USO1: variants seen among roughly 807,000 people sequenced by gnomAD.
USO1 encodes the protein general vesicular transport factor p115.
A neutral mutation model predicts 124.5 loss-of-function variants in USO1; 57 were observed. The ratio of observed to expected loss-of-function variants is 0.46; its 90% confidence interval spans 0.37 to 0.57. The LOEUF is 0.57. USO1 is among the 20% of genes least tolerant of loss of function. USO1 has a pLI of 0.00. For missense variants in USO1, 900 were observed against 1,040.6 expected, an observed-to-expected ratio of 0.86 and a Z score of 1.86; for synonymous variants, 369 against 362.8, an observed-to-expected ratio of 1.02 and a Z score of -0.19.
At chr4:75,770,998 GGTGTGTTA>G in intron 6 of USO1, 74 bp downstream of exon 6, 1 of 1,596,654 alleles carries the variant, frequency 6.3e-7, no homozygotes, top group Non-Finnish European at 8.5e-7. Context: ...GGACTGAAAT[GGTGTGTTA>G]GTAAATTGTT....
Position 75,724,593 on chromosome 4 carries a change from C to T in USO1, c.-227C>T. 3.6e-6 allele frequency: 2 copies of T among 559,890 alleles called. No homozygotes were observed. Among genetic ancestry groups the T allele is most frequent in the South Asian group, 2.1e-5 (1 of 48,348 alleles). The allele number at this position is 559,890 out of a possible 1,614,324, so 34.7% of individuals were successfully genotyped here. A position where few individuals can be genotyped will look rare whatever the true frequency, so the allele number is the denominator to read the frequency against. ...CCTCCGCTCCCCTTTTGCCTTCAAC[C>T]TTCGAGCCGCCACGTAATGCCACGT... On this transcript the variant is annotated 5_prime_UTR_variant, in exon 1 of 24. Coordinates refer to ENST00000514213, the MANE Select transcript of USO1 (RefSeq NM_003715.4).
At chr4:75,790,860 T>G in intron 12 of USO1, 63 bp downstream of exon 12, 2 of 1,445,844 alleles carry the variant, frequency 1.4e-6, no homozygotes, top group Non-Finnish European at 1.8e-6. Context: ...AGCTTTTAAT[T>G]GATTCTTTCT....
At chr4:75,790,261 A>T in intron 11 of USO1, 23 bp downstream of exon 11, 1 of 1,571,362 alleles carries the variant, frequency 6.4e-7, no homozygotes, top group Non-Finnish European at 8.6e-7. Context: ...AAATACTGAG[A>T]TTACTCTGAG....
intron 4 of USO1, among the ~76,000 whole-genome samples, chr4:75,758,718 A>G (rs1721511693): frequency 6.6e-6 from 1 of 152,182 alleles, no homozygotes; most frequent in African/African-American, 2.4e-5. Flanking sequence ...ACCCCATCTC[A>G]TTTAAAAAAA....
At chr4:75,802,736 C>CTTTTTTTTTTTTTTTTTTTT (rs997798305) in intron 17 of USO1, among the ~76,000 whole-genome samples, 60 of 63,744 alleles carry the variant, frequency 9.4e-4, no homozygotes, top group African/African-American at 2.6e-3. Context: ...TTTTTCTTTT[C>CTTTTTTTTTTTTTTTTTTTT]TTTTTTTTTT....
Position 75,805,169 on chromosome 4 carries a change from A to C in USO1, c.2155A>C (p.Ser719Arg). 6.2e-7 allele frequency: 1 copy of C among 1,607,914 alleles called. No homozygotes were observed. Among genetic ancestry groups the C allele is most frequent in the Non-Finnish European group, 8.5e-7 (1 of 1,177,462 alleles). ...GKDNQHQGSY[S>R]EGAQMNGIQP... is the part of the protein sequence containing the mutation. ...AGACAATCAGCATCAAGGTTCTTAC[A>C]GTGAGGGGGCTCAGATGAATGGCAT... The change falls in exon 19 of 24, where the codon AGT (serine) becomes CGT (arginine). Residue 719 changes from serine to arginine, a missense_variant. Around this residue, in one of 2 missense-constraint regions of USO1, gnomAD observed 362 missense variants for 359.0 expected, o/e 1.01. Transcript: ENST00000514213.
intron 1 of USO1, among the ~76,000 whole-genome samples, chr4:75,734,718 CTTTTTT>C (rs55928639): frequency 6.3e-5 from 3 of 47,464 alleles, no homozygotes; most frequent in Non-Finnish European, 1.1e-4. Context: ...GGCAGTATGG[CTTTTTT>C]TTTTTTTTTT....
At chr4:75,761,976 AG>A (rs1309356354) in intron 4 of USO1, among the ~76,000 whole-genome samples, 2 of 152,122 alleles carry the variant, frequency 1.3e-5, no homozygotes, top group Admixed American at 6.5e-5. Flanking sequence ...AGTAAAGATC[AG>A]TAGTTGTTTC....
chr4:75,809,138 C>A (rs1312789711), intron 21 of USO1, 87 bp downstream of exon 21: 46 of 1,445,180 alleles, frequency 3.2e-5, no homozygotes, highest in Non-Finnish European at 4.0e-5. Flanking sequence ...GAAACAAATT[C>A]ATCAGATAGC....
chr4:75,745,356 G>C (rs755859445), intron 1 of USO1: 6 of 519,860 alleles, frequency 1.2e-5, no homozygotes, highest in Non-Finnish European at 2.3e-5. Flanking sequence ...TTAGTAGACA[G>C]TTGTGCAAGT....
chr4:75,771,075 G>C lies in USO1; in HGVS notation c.500-7G>C, dbSNP rs1721913999. 1 of 1,611,504 alleles carries C rather than the reference G, an allele frequency of 6.2e-7. No individual in the cohort carries two copies. Among genetic ancestry groups the C allele is most frequent in the Non-Finnish European group, 8.5e-7 (1 of 1,179,286 alleles). On this transcript the variant is annotated splice_region_variant and splice_polypyrimidine_tract_variant and intron_variant, in intron 6 of 23. Coordinates refer to ENST00000514213, the MANE Select transcript of USO1 (RefSeq NM_003715.4). ...GCCAGCATTTTTCACATGGTTGTATGTTCTAGGTGTTTCAAGATTGATGGA... is the reference window on the plus strand; with the variant it reads ...GCCAGCATTTTTCACATGGTTGTATCTTCTAGGTGTTTCAAGATTGATGGA...
chr4:75,728,199 A>G (rs10028291), intron 1 of USO1, among the ~76,000 whole-genome samples: 83,151 of 151,722 alleles, frequency 0.55, 24,068 homozygotes, highest in East Asian at 0.82. Flanking sequence ...TATTTACTAA[A>G]TGCTTTGACT....
rs534473760 is a variant in USO1, at chr4:75,749,323, C to G, written c.67-3050C>G. 2.0e-5 allele frequency among the ~76,000 whole-genome samples: 3 copies of G among 151,624 alleles called. No individual in the cohort carries two copies. In the East Asian group the frequency reaches 5.8e-4, roughly 29 times the overall value. On this transcript the variant is annotated intron_variant, in intron 1 of 23. Coordinates refer to ENST00000514213, the MANE Select transcript of USO1 (RefSeq NM_003715.4). Reference sequence around the variant, plus strand: ...TATTTGAACACCATTAATTCAGATACGTAGGGTGCAAACATTTGCATTGCC... The same window carrying G: ...TATTTGAACACCATTAATTCAGATAGGTAGGGTGCAAACATTTGCATTGCC...
At chr4:75,812,881 TGGG>T (rs1723189762) in intron 23 of USO1, among the ~76,000 whole-genome samples, 1 of 151,986 alleles carries the variant, frequency 6.6e-6, no homozygotes, top group Non-Finnish European at 1.5e-5. Flanking sequence ...GGGGCTGAGG[TGGG>T]CAGATTACCT....
At chr4:75,791,453 G>A (rs1249231231) in intron 12 of USO1, among the ~76,000 whole-genome samples, 1 of 152,200 alleles carries the variant, frequency 6.6e-6, no homozygotes, top group African/African-American at 2.4e-5. Flanking sequence ...AAATCCTGGA[G>A]GCAGAGGTTG....
chr4:75,753,578 T>C (rs1308938697), intron 3 of USO1, among the ~76,000 whole-genome samples: 1 of 151,360 alleles, frequency 6.6e-6, no homozygotes, highest in East Asian at 2.0e-4. Flanking sequence ...ATTAGCTGGG[T>C]GTGTTGTCAC....
intron 1 of USO1, among the ~76,000 whole-genome samples, chr4:75,739,500 A>G (rs1409322014): frequency 1.4e-5 from 2 of 141,478 alleles, no homozygotes; most frequent in Non-Finnish European, 3.1e-5. Flanking sequence ...TGGTCTGTTT[A>G]GTGTTATGCT....
intron 1 of USO1, among the ~76,000 whole-genome samples, chr4:75,729,426 G>A (rs181202480): frequency 6.6e-6 from 1 of 152,098 alleles, no homozygotes; most frequent in Non-Finnish European, 1.5e-5. Flanking sequence ...TGCAGCCTCC[G>A]CCTCCTGGGT....
intron 13 of USO1, among the ~76,000 whole-genome samples, chr4:75,797,862 G>A (rs1256390773): frequency 2.6e-5 from 4 of 152,096 alleles, no homozygotes; most frequent in South Asian, 4.2e-4. Context: ...GGCTGGTCTC[G>A]AACTCTGGAC....
Sources: gnomAD v4.1 joint callset for allele counts (sites outside exome capture counted in the v4.1 genomes callset) on GRCh38, gnomAD v4.1.1 for gene constraint, gnomAD v4.1.1 regional missense constraint, MANE v1.5 for transcripts, NCBI Gene and HGNC (gene_info 2026-07-23, HGNC 2026-07-21) for gene names.